ANKRD62: variants seen among roughly 807,000 people sequenced by gnomAD.
ANKRD62 encodes ankyrin repeat domain 62, also known as ankyrin repeat domain-containing protein 62.
A neutral mutation model predicts 98.8 loss-of-function variants in ANKRD62; 61 were observed. That is an observed-to-expected ratio of 0.62 (90% confidence interval 0.50 to 0.76). The LOEUF is 0.76. ANKRD62 is among the 30% of genes least tolerant of loss of function. The pLI, the probability that ANKRD62 is intolerant of heterozygous loss-of-function variation, is 0.00. For synonymous variants in ANKRD62, 341 were observed against 367.9 expected (o/e 0.93, Z 0.84); for missense variants, 933 against 1,082.9 (o/e 0.86, Z 1.94).
chr18:12,154,529 G>A, the ANKRD62 span, among the ~76,000 whole-genome samples: 5 of 152,292 alleles, frequency 3.3e-5, no homozygotes, highest in African/African-American at 9.6e-5. Flanking sequence ...GTGGAAAGCC[G>A]TATGGTGAGT....
At chr18:12,116,371 G>A (rs1368501926) in intron 10 of ANKRD62, among the ~76,000 whole-genome samples, 2 of 152,190 alleles carry the variant, frequency 1.3e-5, no homozygotes, top group Admixed American at 6.5e-5. Flanking sequence ...ATTCTTATGG[G>A]TGTGGTTAAT....
intron 10 of ANKRD62, among the ~76,000 whole-genome samples, chr18:12,116,465 A>T (rs755364981): frequency 3.1e-4 from 47 of 152,302 alleles, no homozygotes; most frequent in Admixed American, 1.1e-3. Context: ...GTATTTTTTT[A>T]ATTACCATCT....
At chr18:12,168,385 A>G in the ANKRD62 span, among the ~76,000 whole-genome samples, 1 of 152,176 alleles carries the variant, frequency 6.6e-6, no homozygotes, top group Non-Finnish European at 1.5e-5. Context: ...CATTTATTAA[A>G]TAGGGAATCC....
chr18:12,169,756 C>T, the ANKRD62 span, among the ~76,000 whole-genome samples: 93 of 152,264 alleles, frequency 6.1e-4, no homozygotes, highest in South Asian at 5.8e-3. Context: ...GTGAATCCGT[C>T]TGGTCCTGGA....
the ANKRD62 span, among the ~76,000 whole-genome samples, chr18:12,175,084 A>T: frequency 6.6e-6 from 1 of 152,206 alleles, no homozygotes; most frequent in African/African-American, 2.4e-5. Flanking sequence ...CCACAGTGGC[A>T]GAGGCAACAC....
chr18:12,140,522 G>C, the ANKRD62 span, among the ~76,000 whole-genome samples: 7 of 151,976 alleles, frequency 4.6e-5, no homozygotes, highest in Non-Finnish European at 1.5e-5. Context: ...CAGATGGGTT[G>C]TTGGTGTAGA....
the ANKRD62 span, among the ~76,000 whole-genome samples, chr18:12,170,062 G>C: frequency 6.6e-6 from 1 of 151,940 alleles, no homozygotes; most frequent in Non-Finnish European, 1.5e-5. Context: ...CAGTTTTGTT[G>C]GTCTTTTCAA....
intron 7 of ANKRD62, among the ~76,000 whole-genome samples, chr18:12,104,079 C>CAAAT (rs1909364842): frequency 6.6e-6 from 1 of 151,958 alleles, no homozygotes. Flanking sequence ...ATCAGTATTT[C>CAAAT]CAGTACAGTG....
chr18:12,123,973 C>T (rs1349348846), intron 11 of ANKRD62, among the ~76,000 whole-genome samples, 164 bp from the exon 12 acceptor site: 2 of 152,106 alleles, frequency 1.3e-5, no homozygotes, highest in African/African-American at 4.8e-5. Context: ...TTCCTTACTA[C>T]CTTTCAATTT....
At chr18:12,102,143 C>T in intron 6 of ANKRD62, 3 of 1,262,920 alleles carry the variant, frequency 2.4e-6, no homozygotes, top group Admixed American at 1.7e-5. Flanking sequence ...TCAGTAACAA[C>T]TTGTCCAAGG....
intron 8 of ANKRD62, among the ~76,000 whole-genome samples, chr18:12,112,427 T>G (rs1373422176): frequency 1.3e-5 from 2 of 152,024 alleles, no homozygotes; most frequent in African/African-American, 4.8e-5. Context: ...CACCTGCAAC[T>G]CTCTGATCTT....
In ANKRD62 at chr18:12,095,513, A is replaced by G. The variant is rs1225594301; in HGVS notation, c.410A>G (p.Tyr137Cys). The change falls in exon 3 of 14, where the codon TAT becomes TGT. Residue 137 changes from tyrosine (Y) to cysteine (C), a missense_variant. Physicochemically the swap from Tyr to Cys is radical, Grantham distance 194. Around this residue, in one of 3 missense-constraint regions of ANKRD62, gnomAD observed 549 missense variants for 587.9 expected, o/e 0.93. Transcript: ENST00000587848. ...HGANPNVRDM[Y>C]GNTALHYAID... Reference sequence around the variant, plus strand: ...GCCAACCCAAATGTTAGAGATATGTATGGCAACACTGCTCTGCACTATGCC... The same window carrying G: ...GCCAACCCAAATGTTAGAGATATGTGTGGCAACACTGCTCTGCACTATGCC... 1.3e-6 allele frequency: 2 copies of G among 1,569,512 alleles called. No homozygotes were observed. Among genetic ancestry groups the G allele is most frequent in the Non-Finnish European group, 1.7e-6 (2 of 1,163,590 alleles).
rs570193662 is a variant in ANKRD62, at chr18:12,109,218, T to C, written c.1064+1751T>C. Among the ~76,000 whole-genome samples the C allele has an allele frequency of 2.0e-5, 3 of 152,362 alleles. No individual in the cohort carries two copies. The East Asian group carries it at 5.8e-4, about 29-fold the overall frequency. ...CTCTGCCCCTGCAGCAGACTTTTGCTTGGACATCTAGGCATTTCCATACAT... is the reference window on the plus strand; with the variant it reads ...CTCTGCCCCTGCAGCAGACTTTTGCCTGGACATCTAGGCATTTCCATACAT... On this transcript the variant is annotated intron_variant, in intron 8 of 13. Transcript: ENST00000587848.
chr18:12,159,972 A>C, the ANKRD62 span, among the ~76,000 whole-genome samples: 4 of 152,324 alleles, frequency 2.6e-5, no homozygotes, highest in Non-Finnish European at 2.9e-5. Context: ...CACACTTACT[A>C]TAGGTACAAT....
chr18:12,105,092 A>G (rs965264331), intron 7 of ANKRD62, among the ~76,000 whole-genome samples: 5 of 152,206 alleles, frequency 3.3e-5, no homozygotes, highest in African/African-American at 9.6e-5. Context: ...GACATCAGAA[A>G]TGTGCCTCAG....
At chr18:12,125,289 ACT>A (rs1360040277) in intron 12 of ANKRD62, among the ~76,000 whole-genome samples, 169 bp from the exon 13 acceptor site, 1 of 151,882 alleles carries the variant, frequency 6.6e-6, no homozygotes, top group Non-Finnish European at 1.5e-5. Flanking sequence ...TTGAGAATTT[ACT>A]CTCTAAAAGG....
intron 10 of ANKRD62, among the ~76,000 whole-genome samples, chr18:12,117,358 C>G (rs946920393): frequency 6.6e-6 from 1 of 152,190 alleles, no homozygotes; most frequent in African/African-American, 2.4e-5. Context: ...AGACAAAAAG[C>G]TGGCCCACAG....
Position 12,125,489 on chromosome 18 carries a change from C to T in ANKRD62, c.1668C>T (p.Asp556=), listed in dbSNP as rs1204720829. The T allele has an allele frequency of 7.4e-6, 11 of 1,478,290 alleles. No individual in the cohort carries two copies. In the East Asian group the frequency reaches 2.5e-4, roughly 33 times the overall value. The allele number at this position is 1,478,290 out of a possible 1,614,324, so 91.6% of individuals were successfully genotyped here. A position where few individuals can be genotyped will look rare whatever the true frequency, so the allele number is the denominator to read the frequency against. ...TTCATACTCATGAAAGAGAAAGAGA[C>T]CTGTGGCAGGAAAATCACTTGATGC... is the stretch of plus-strand genomic sequence containing the variant. The part of the protein sequence containing the change: ...QNFHTHERER[D]LWQENHLMRD... The change falls in exon 13 of 14, where the codon GAC becomes GAT. Residue 556 remains aspartate, a synonymous_variant. Transcript: ENST00000587848.
chr18:12,096,818 CTATTA>C (rs1909192141), intron 4 of ANKRD62, among the ~76,000 whole-genome samples: 1 of 152,114 alleles, frequency 6.6e-6, no homozygotes, highest in African/African-American at 2.4e-5. Flanking sequence ...TCCTAAGTGA[CTATTA>C]ATTGCTATTG....
Sources: allele counts gnomAD v4.1 joint callset (sites outside exome capture counted in the v4.1 genomes callset), GRCh38; gene constraint gnomAD v4.1.1; regional missense constraint gnomAD v4.1.1; transcripts MANE v1.5; gene names NCBI Gene and HGNC (gene_info 2026-07-23, HGNC 2026-07-21).